DSCAM: variants seen among roughly 807,000 people sequenced by gnomAD.
DSCAM encodes the protein cell adhesion molecule DSCAM.
A neutral mutation model predicts 217.7 loss-of-function variants in DSCAM; 47 were observed. The ratio of observed to expected loss-of-function variants is 0.22; its 90% CI spans 0.17 to 0.28. The LOEUF (loss-of-function observed/expected upper bound fraction) is 0.28. DSCAM is among the 10% of genes least tolerant of loss of function. DSCAM has a pLI of 1.00. For missense variants in DSCAM, 2,080 were observed against 2,618.3 expected (o/e 0.79, Z 4.49); for synonymous variants, 1,056 against 1,015.3 (o/e 1.04, Z -0.76).
intron 3 of DSCAM, among the ~76,000 whole-genome samples, chr21:40,406,983 C>T (rs1244080057): frequency 6.6e-6 from 1 of 152,022 alleles, no homozygotes; most frequent in Non-Finnish European, 1.5e-5. Flanking sequence ...TTACCTGGGG[C>T]TGACAGGTGG....
At chr21:40,548,517 T>C (rs2076603305) in intron 3 of DSCAM, among the ~76,000 whole-genome samples, 1 of 150,600 alleles carries the variant, frequency 6.6e-6, no homozygotes, top group Non-Finnish European at 1.5e-5. Context: ...AAAAAAAATA[T>C]ATATATGTAC....
intron 3 of DSCAM, among the ~76,000 whole-genome samples, chr21:40,665,955 G>C (rs1052742391): frequency 1.5e-5 from 2 of 136,640 alleles, no homozygotes; most frequent in Non-Finnish European, 3.2e-5. Flanking sequence ...AGGTGACTTA[G>C]AGTGTGGAAT....
chr21:40,383,736 T>A (rs1457594557), intron 3 of DSCAM: 1 of 152,240 alleles, frequency 6.6e-6, no homozygotes, highest in Non-Finnish European at 1.5e-5. Context: ...TTTTCTTTCA[T>A]TGTATTGCAT....
At chr21:40,757,527 T>A (rs972867340) in intron 1 of DSCAM, among the ~76,000 whole-genome samples, 2 of 152,188 alleles carry the variant, frequency 1.3e-5, no homozygotes, top group African/African-American at 4.8e-5. Flanking sequence ...CACAGGAATA[T>A]TGCCAGATGT....
At chr21:40,032,793 G>T (rs139466384) in intron 32 of DSCAM, among the ~76,000 whole-genome samples, 1 of 152,220 alleles carries the variant, frequency 6.6e-6, no homozygotes, top group Non-Finnish European at 1.5e-5. Flanking sequence ...TCTTACTTTT[G>T]CATCAATATC....
At chr21:40,399,943 A>G (rs2075218676) in intron 3 of DSCAM, among the ~76,000 whole-genome samples, 3 of 152,166 alleles carry the variant, frequency 2.0e-5, no homozygotes, top group Admixed American at 2.0e-4. Context: ...TCCCAGTTCC[A>G]GGGAACATAT....
intron 16 of DSCAM, among the ~76,000 whole-genome samples, chr21:40,161,497 C>T (rs978544056): frequency 2.0e-5 from 3 of 151,984 alleles, no homozygotes; most frequent in Admixed American, 1.3e-4. Flanking sequence ...ATTAATTTAA[C>T]GCATATTAAT....
At chr21:40,212,762 T>C (rs1285549350) in intron 11 of DSCAM, among the ~76,000 whole-genome samples, 1 of 152,164 alleles carries the variant, frequency 6.6e-6, no homozygotes, top group Non-Finnish European at 1.5e-5. Context: ...TACTTGGAAA[T>C]ACAGTCTTTG....
chr21:40,606,166 A>C (rs1051093752), intron 3 of DSCAM, among the ~76,000 whole-genome samples: 1 of 152,220 alleles, frequency 6.6e-6, no homozygotes, highest in African/African-American at 2.4e-5. Context: ...ACTCTACTTT[A>C]GATAGGAATA....
intron 15 of DSCAM, among the ~76,000 whole-genome samples, chr21:40,175,382 G>A (rs892932072): frequency 2.6e-5 from 4 of 152,138 alleles, no homozygotes; most frequent in African/African-American, 9.7e-5. Flanking sequence ...CCAAAGTGTT[G>A]GGATTATAGG....
intron 3 of DSCAM, among the ~76,000 whole-genome samples, chr21:40,380,411 G>A (rs1021177266): frequency 2.6e-5 from 4 of 152,116 alleles, no homozygotes; most frequent in African/African-American, 7.2e-5. Context: ...TTATTTATAC[G>A]ATGAACAAGA....
intron 32 of DSCAM, among the ~76,000 whole-genome samples, chr21:40,023,249 C>A (rs1747796713): frequency 6.6e-6 from 1 of 152,090 alleles, no homozygotes; most frequent in African/African-American, 2.4e-5. Flanking sequence ...ATATGTGCCA[C>A]ATTTTCTTAA....
At chr21:40,185,393 C>T (rs1346600283) in intron 14 of DSCAM, among the ~76,000 whole-genome samples, 1 of 152,188 alleles carries the variant, frequency 6.6e-6, no homozygotes, top group Non-Finnish European at 1.5e-5. Context: ...GCAACGCAGG[C>T]CCAGCAGCGA....
At chr21:40,592,781 C>A (rs2076993103) in intron 3 of DSCAM, among the ~76,000 whole-genome samples, 1 of 152,178 alleles carries the variant, frequency 6.6e-6, no homozygotes, top group African/African-American at 2.4e-5. Context: ...ACTTGTATCA[C>A]CATGGATTAT....
At chr21:40,504,214 G>C (rs780477273) in intron 3 of DSCAM, among the ~76,000 whole-genome samples, 9 of 152,294 alleles carry the variant, frequency 5.9e-5, no homozygotes, top group Admixed American at 2.0e-4. Context: ...AGGAAGAAAA[G>C]AGTGGGGCGA....
chr21:40,307,357 G>T (rs1375032659), intron 9 of DSCAM, among the ~76,000 whole-genome samples: 4 of 152,272 alleles, frequency 2.6e-5, no homozygotes, highest in East Asian at 1.9e-4. Context: ...GGCCATCAGA[G>T]AAATGCAAAT....
intron 1 of DSCAM, among the ~76,000 whole-genome samples, chr21:40,772,982 C>A (rs1446112523): frequency 6.6e-6 from 1 of 152,246 alleles, no homozygotes; most frequent in Non-Finnish European, 1.5e-5. Flanking sequence ...AACTGGCTGA[C>A]CTAGGGGTCA....
chr21:40,738,527 C>A (rs2091088088), intron 1 of DSCAM, among the ~76,000 whole-genome samples: 1 of 152,036 alleles, frequency 6.6e-6, no homozygotes, highest in Non-Finnish European at 1.5e-5. Context: ...TTGGTGGGTG[C>A]CCTTCCTCTA....
At chr21:40,059,391 C>T (rs187015889) in intron 28 of DSCAM, among the ~76,000 whole-genome samples, 2 of 152,278 alleles carry the variant, frequency 1.3e-5, no homozygotes, top group African/African-American at 4.8e-5. Flanking sequence ...AAAGGACAAT[C>T]TTTCTGTCTG....
Sources: gnomAD v4.1 joint callset for allele counts (sites outside exome capture counted in the v4.1 genomes callset) on GRCh38, gnomAD v4.1.1 for gene constraint, MANE v1.5 for transcripts, NCBI Gene and HGNC (gene_info 2026-07-23, HGNC 2026-07-21) for gene names.